CDCA2: variants seen among roughly 807,000 people sequenced by gnomAD.
CDCA2 encodes cell division cycle associated 2.
A neutral mutation model predicts 67.0 loss-of-function variants in CDCA2; 44 were observed. The observed-to-expected ratio is 0.66, with a 90% CI of 0.52 to 0.84. The LOEUF (loss-of-function observed/expected upper bound fraction) is 0.84. Among genes scored for constraint, CDCA2 ranks in the 40% least tolerant of loss-of-function variants. The pLI is 0.00. For synonymous variants in CDCA2, 447 were observed against 418.7 expected (o/e 1.07, Z -0.82); for missense variants, 1,253 against 1,203.2 (o/e 1.04, Z -0.61).
intron 13 of CDCA2, among the ~76,000 whole-genome samples, chr8:25,499,760 C>A (rs1326814389): frequency 6.6e-6 from 1 of 152,166 alleles, no homozygotes; most frequent in African/African-American, 2.4e-5. Context: ...AACGAAATTG[C>A]TTTAGGGACA....
chr8:25,465,540 C>T (rs12114046), intron 4 of CDCA2, among the ~76,000 whole-genome samples: 7,762 of 148,792 alleles, frequency 0.052, 683 homozygotes, highest in African/African-American at 0.19. Flanking sequence ...ACCCTGTTAA[C>T]GGGGTTTCCA....
chr8:25,468,132 AAAAAAAAG>A, intron 5 of CDCA2, 77 bp from the exon 6 acceptor site: 1 of 536,732 alleles, frequency 1.9e-6, no homozygotes. Flanking sequence ...AAAAAAAAAA[AAAAAAAAG>A]AAAAGAAAAA....
At chr8:25,482,950 C>T (rs1041286254) in intron 8 of CDCA2, among the ~76,000 whole-genome samples, 3 of 152,032 alleles carry the variant, frequency 2.0e-5, no homozygotes, top group African/African-American at 4.8e-5. Context: ...TTAAAGTATA[C>T]GGGAGGATGT....
intron 5 of CDCA2, among the ~76,000 whole-genome samples, chr8:25,466,919 G>A (rs1336076688): frequency 3.3e-5 from 5 of 151,662 alleles, no homozygotes; most frequent in Non-Finnish European, 7.4e-5. Flanking sequence ...ACACATGCCT[G>A]TAACTCCAGC....
At chr8:25,461,948 C>T in intron 3 of CDCA2, 106 bp from the exon 4 acceptor site, 2 of 1,108,064 alleles carry the variant, frequency 1.8e-6, no homozygotes, top group Non-Finnish European at 2.6e-6. Flanking sequence ...TTTTGTAGCA[C>T]ATGTTTATCA....
rs758525945 is a variant in CDCA2 at position 25,468,236 on chromosome 8, C to T, written c.558C>T (p.Ser186=). 7 of 1,607,208 alleles carry T rather than the reference C, an allele frequency of 4.4e-6. No homozygotes were observed. The highest frequency in any genetic ancestry group is 4.0e-5 in the African/African-American group (3 of 74,642). Residue 186 remains serine, a synonymous_variant, in exon 6 of 15, where the codon AGC becomes AGT. Coordinates refer to ENST00000330560, the MANE Select transcript of CDCA2 (RefSeq NM_152562.4). ...MTDLTRKEGL[S]ACQQSGFPAV... ...TTATAGCCAGAAAGGAAGGTCTCAGCGCTTGCCAGCAGTCTGGGTTCCCTG... is the reference window on the plus strand; with the variant it reads ...TTATAGCCAGAAAGGAAGGTCTCAGTGCTTGCCAGCAGTCTGGGTTCCCTG...
At chr8:25,486,882 T>C (rs1739579785) in intron 11 of CDCA2, among the ~76,000 whole-genome samples, 1 of 152,162 alleles carries the variant, frequency 6.6e-6, no homozygotes, top group Non-Finnish European at 1.5e-5. Flanking sequence ...AAACAAAGTA[T>C]TTTCATGGTT....
At position 25,487,242 on chromosome 8, in the gene CDCA2, T is replaced by C; in HGVS notation, c.1445-4T>C. The C allele has an allele frequency of 6.2e-7, 1 of 1,602,434 alleles. No individual in the cohort carries two copies. The highest frequency in any genetic ancestry group is 1.1e-5 in the South Asian group (1 of 90,424). ...CCTGATTTAGCTTTTGTCTTGTTTA[T>C]CAGGCACTGATACCTTTAGTTCTTC... On this transcript the variant is annotated splice_polypyrimidine_tract_variant and splice_region_variant and intron_variant, in intron 11 of 14. Coordinates refer to ENST00000330560, the MANE Select transcript of CDCA2 (RefSeq NM_152562.4).
At chr8:25,460,137 C>A in intron 1 of CDCA2, 103 bp from the exon 2 acceptor site, 1 of 1,080,428 alleles carries the variant, frequency 9.3e-7, no homozygotes, top group Non-Finnish European at 1.4e-6. Context: ...GTTTCTATGC[C>A]AGTATGGACT....
rs775220897 is a variant in CDCA2, at chr8:25,507,603, T to C, written c.2937T>C (p.Cys979=). Residue 979 remains cysteine, a synonymous_variant, in exon 15 of 15, where the codon TGT becomes TGC. Transcript: ENST00000330560. ...DEPGKRRKSF[C]ISTLANTKAT... ...CTGGTAAGAGGAGGAAGAGCTTTTG[T>C]ATATCTACACTTGCAAATACTAAAG... The C allele has an allele frequency of 5.0e-6, 8 of 1,613,904 alleles. No homozygotes were observed. In the East Asian group the frequency reaches 1.6e-4, roughly 31 times the overall value.
intron 14 of CDCA2, among the ~76,000 whole-genome samples, chr8:25,505,803 G>T (rs1312522618): frequency 6.6e-6 from 1 of 152,106 alleles, no homozygotes; most frequent in African/African-American, 2.4e-5. Flanking sequence ...AACTCATAAA[G>T]CCTGAACTCA....
chr8:25,494,505 T>C (rs1195128054), intron 13 of CDCA2, among the ~76,000 whole-genome samples: 1 of 152,240 alleles, frequency 6.6e-6, no homozygotes, highest in East Asian at 1.9e-4. Flanking sequence ...ACATATGCTC[T>C]ATGCAAATAC....
In CDCA2 at chr8:25,507,023, C is replaced by T. The variant is rs1563288849; in HGVS notation, c.2357C>T (p.Ser786Leu). ...KLQCNRLMPN[S>L]QKDCHCLGDV... is the part of the protein sequence containing the mutation. The stretch of plus-strand genomic sequence containing the variant: ...CAATGCAATCGTTTAATGCCTAATT[C>T]ACAAAAAGACTGTCATTGTTTAGGA... Residue 786 changes from serine to leucine, a missense_variant, in exon 15 of 15, where the codon TCA (serine) becomes TTA (leucine). By Grantham distance (145) the Ser-to-Leu change is moderately radical (BLOSUM62 -2). Transcript: ENST00000330560. 1.2e-6 allele frequency: 2 copies of T among 1,613,954 alleles called. No homozygotes were observed. The highest frequency in any genetic ancestry group is 1.7e-6 in the Non-Finnish European group (2 of 1,179,958).
chr8:25,498,361 C>T (rs1422764063), intron 13 of CDCA2, among the ~76,000 whole-genome samples: 1 of 151,476 alleles, frequency 6.6e-6, no homozygotes, highest in African/African-American at 2.4e-5. Flanking sequence ...GTGTGCACCA[C>T]CATGCTCAGC....
Position 25,466,896 on chromosome 8 carries a change from G to A in CDCA2, c.538+571G>A, listed in dbSNP as rs1231521751. Among the ~76,000 whole-genome samples the A allele has an allele frequency of 7.9e-5, 12 of 151,842 alleles. No individual in the cohort carries two copies. The East Asian group carries it at 2.1e-3, about 27-fold the overall frequency. ...TGTCTCTACTAAAAATACAAAATTA[G>A]CCAGGCGTGGTGACACATGCCTGTA... On this transcript the variant is annotated intron_variant, in intron 5 of 14. Transcript: ENST00000330560.
At chr8:25,487,734 C>G (rs1339513164) in intron 12 of CDCA2, among the ~76,000 whole-genome samples, 1 of 151,732 alleles carries the variant, frequency 6.6e-6, no homozygotes, top group African/African-American at 2.4e-5. Context: ...AGTGAGACTC[C>G]GTCTCAAAAA....
At chr8:25,458,957 G>A (rs1027843033), upstream of CDCA2, 2 of 152,550 alleles carry the variant, frequency 1.3e-5, no homozygotes, top group African/African-American at 4.8e-5. Context: ...GAGTTAAAGC[G>A]CTAAGAGAAG....
intron 13 of CDCA2, 48 bp downstream of exon 13, chr8:25,488,737 C>T (rs1803882221): frequency 4.8e-6 from 7 of 1,449,988 alleles, no homozygotes; most frequent in South Asian, 1.5e-5. Flanking sequence ...TGGTGTGTTT[C>T]CTTATTGTAT....
rs550661329 is a variant in CDCA2 at position 25,501,891 on chromosome 8, T to TTTTTG, written c.1672-1462_1672-1458dup. 1.8e-3 allele frequency among the ~76,000 whole-genome samples: 272 copies of TTTTTG among 152,192 alleles called. 1 individual carries two copies. Among genetic ancestry groups the TTTTTG allele is most frequent in the African/African-American group, 6.4e-3 (264 of 41,536 alleles). ...TCCACTTTCCAGATGTTTGTTTTTG[T>TTTTTG]TTTTGTTTTGTTTTGTTTTGTTTTT... On this transcript the variant is annotated intron_variant, in intron 13 of 14. Transcript: ENST00000330560.
Sources: allele counts gnomAD v4.1 joint callset (sites outside exome capture counted in the v4.1 genomes callset), GRCh38; gene constraint gnomAD v4.1.1; transcripts MANE v1.5; gene names NCBI Gene and HGNC (gene_info 2026-07-23, HGNC 2026-07-21).